Variants in ABCC1 observed in about 807,000 individuals in gnomAD.
The protein encoded by ABCC1 is multidrug resistance-associated protein 1.
Under a neutral mutation model 172.9 loss-of-function variants are expected in ABCC1, and 83 were observed. The observed-to-expected ratio is 0.48, with a 90% CI of 0.40 to 0.58. The LOEUF (loss-of-function observed/expected upper bound fraction) is 0.58, where lower values mean the gene tolerates loss of function less well. Ranked by LOEUF, ABCC1 falls within the 20% of genes least tolerant of loss-of-function variation. ABCC1 has a pLI of 0.00. For missense variants in ABCC1, 1,817 were observed against 2,002.7 expected, an observed-to-expected ratio of 0.91 and a Z score of 1.77; for synonymous variants, 937 against 825.2, an observed-to-expected ratio of 1.14 and a Z score of -2.32.
chr16:16,124,923 G>T lies in ABCC1; in HGVS notation c.3717+8G>T. ...GTGTCTTACTCATTGCAGGTAAGAG[G>T]GGATGCTCTTGGCTGGATTATTAAA... On this transcript the variant is annotated splice_region_variant and intron_variant, in intron 25 of 30. Coordinates refer to ENST00000399410, the MANE Select transcript of ABCC1 (RefSeq NM_004996.4). 6.2e-7 allele frequency: 1 copy of T among 1,614,162 alleles called. No individual in the cohort carries two copies.
At chr16:16,129,089 A>G (rs1343728331) in intron 26 of ABCC1, among the ~76,000 whole-genome samples, 1 of 152,226 alleles carries the variant, frequency 6.6e-6, no homozygotes, top group Non-Finnish European at 1.5e-5. Flanking sequence ...CCCCATTAGC[A>G]TTCGGGTGAA....
At chr16:15,954,504 C>T (rs1373061932) in intron 1 of ABCC1, among the ~76,000 whole-genome samples, 1 of 152,004 alleles carries the variant, frequency 6.6e-6, no homozygotes, top group Non-Finnish European at 1.5e-5. Context: ...TGCAAGGTGG[C>T]AAGGTGAATG....
chr16:16,057,782 G>T (rs1446573588), intron 12 of ABCC1, among the ~76,000 whole-genome samples: 2 of 151,922 alleles, frequency 1.3e-5, no homozygotes, highest in Middle Eastern at 3.2e-3. Context: ...GTTTTTTGGG[G>T]GGTTTTGTTT....
At chr16:16,009,703 G>C in intron 2 of ABCC1, 73 bp from the exon 3 acceptor site, 2 of 1,461,400 alleles carry the variant, frequency 1.4e-6, no homozygotes, top group Non-Finnish European at 1.8e-6. Context: ...CCCTGGGGCT[G>C]AGCTGTTCGT....
intron 8 of ABCC1, among the ~76,000 whole-genome samples, chr16:16,045,601 G>A (rs544399321): frequency 3.0e-4 from 46 of 152,006 alleles, no homozygotes; most frequent in Non-Finnish European, 6.3e-4. Flanking sequence ...CTGGTGATGA[G>A]ATATAGCTAG....
chr16:16,079,215 C>A (rs2050706429), intron 15 of ABCC1, 137 bp from the exon 16 acceptor site: 1 of 1,274,224 alleles, frequency 7.8e-7, no homozygotes, highest in Non-Finnish European at 1.1e-6. Context: ...AATGTTGAGG[C>A]CTTCAGTGTT....
intron 5 of ABCC1, among the ~76,000 whole-genome samples, chr16:16,029,852 C>CA (rs34115753): frequency 6.6e-6 from 1 of 151,984 alleles, no homozygotes; most frequent in Non-Finnish European, 1.5e-5. Context: ...CTTGTCTTGA[C>CA]AAAAAACATG....
intron 1 of ABCC1, among the ~76,000 whole-genome samples, chr16:15,969,831 C>T (rs1270557340): frequency 6.6e-6 from 1 of 152,154 alleles, no homozygotes; most frequent in African/African-American, 2.4e-5. Context: ...CATGGCCTGA[C>T]TGGTCCCATT....
chr16:15,963,240 T>C (rs1250111593), intron 1 of ABCC1, among the ~76,000 whole-genome samples: 1 of 152,254 alleles, frequency 6.6e-6, no homozygotes, highest in African/African-American at 2.4e-5. Context: ...TTCCACGGCC[T>C]TGGGCAGCTC....
chr16:16,097,855 C>G (rs2051551009), intron 19 of ABCC1: 2 of 152,294 alleles, frequency 1.3e-5, no homozygotes, highest in Admixed American at 1.3e-4. Context: ...CAGTGTGCAT[C>G]TTGTGTAACT....
intron 20 of ABCC1, among the ~76,000 whole-genome samples, chr16:16,104,835 C>T (rs1230229867): frequency 6.6e-6 from 1 of 152,194 alleles, no homozygotes; most frequent in Non-Finnish European, 1.5e-5. Flanking sequence ...CAGCTAAAGC[C>T]CGGTGAGAAA....
chr16:16,099,448 C>T (rs1190495712), intron 19 of ABCC1, among the ~76,000 whole-genome samples: 9 of 152,164 alleles, frequency 5.9e-5, no homozygotes, highest in Admixed American at 5.9e-4. Flanking sequence ...GGCTTAGGGT[C>T]CCAGCCAAGG....
chr16:16,050,833 T>A (rs2049400309), intron 10 of ABCC1, among the ~76,000 whole-genome samples: 1 of 149,618 alleles, frequency 6.7e-6, no homozygotes, highest in South Asian at 2.1e-4. Context: ...AGCCTAGGAG[T>A]GCAGAGGCTG....
chr16:15,983,381 C>T (rs775461701), intron 1 of ABCC1, among the ~76,000 whole-genome samples: 5 of 152,100 alleles, frequency 3.3e-5, no homozygotes, highest in South Asian at 2.1e-4. Flanking sequence ...TAGTTTTCAG[C>T]GCAGTGTGAA....
chr16:16,013,334 G>A (rs35273939), intron 3 of ABCC1, among the ~76,000 whole-genome samples: 34,956 of 150,276 alleles, frequency 0.23, 5,135 homozygotes, highest in African/African-American at 0.41. Flanking sequence ...GCAGTGGCAT[G>A]ATCTCAGCTC....
intron 20 of ABCC1, among the ~76,000 whole-genome samples, chr16:16,104,803 C>T (rs950927125): frequency 1.4e-4 from 21 of 152,172 alleles, no homozygotes; most frequent in South Asian, 2.1e-4. Flanking sequence ...CTGCAGGTCC[C>T]GAGCCCTGCC....
chr16:16,032,339 TTAAA>T (rs1318544491), intron 5 of ABCC1, among the ~76,000 whole-genome samples: 72 of 152,278 alleles, frequency 4.7e-4, no homozygotes, highest in African/African-American at 1.7e-3. Context: ...AGGATGAAGA[TTAAA>T]TAAGGTAGTT....
At chr16:16,140,801 G>A (rs1029160060) in intron 30 of ABCC1, among the ~76,000 whole-genome samples, 7 of 152,330 alleles carry the variant, frequency 4.6e-5, no homozygotes, top group East Asian at 1.9e-4. Flanking sequence ...CATATGGCCT[G>A]CAGAGCCTCA....
At chr16:15,994,517 C>T (rs1227930519) in intron 1 of ABCC1, among the ~76,000 whole-genome samples, 1 of 152,138 alleles carries the variant, frequency 6.6e-6, no homozygotes, top group Non-Finnish European at 1.5e-5. Flanking sequence ...TTATTATTGG[C>T]ACCCAATAAA....
Sources: gnomAD v4.1 joint callset for allele counts (sites outside exome capture counted in the v4.1 genomes callset) on GRCh38, gnomAD v4.1.1 for gene constraint, MANE v1.5 for transcripts, NCBI Gene and HGNC (gene_info 2026-07-23, HGNC 2026-07-21) for gene names.